PPP2R2B: variants seen among roughly 807,000 people sequenced by gnomAD.
PPP2R2B encodes the protein serine/threonine-protein phosphatase 2A 55 kDa regulatory subunit B beta isoform.
A neutral mutation model predicts 46.0 loss-of-function variants in PPP2R2B; 5 were observed. That is an observed-to-expected ratio of 0.11 (90% CI 0.06 to 0.23). The LOEUF (loss-of-function observed/expected upper bound fraction) is 0.23, where lower values mean the gene tolerates loss of function less well. Among genes scored for constraint, PPP2R2B ranks in the 10% least tolerant of loss-of-function variants. The pLI is 1.00. For synonymous variants in PPP2R2B, 215 were observed against 206.7 expected (o/e 1.04, Z -0.34); for missense variants, 367 against 575.0 (o/e 0.64, Z 3.70).
intron 2 of PPP2R2B, among the ~76,000 whole-genome samples, chr5:146,726,343 A>G (rs1028457616): frequency 6.6e-6 from 1 of 152,200 alleles, no homozygotes; most frequent in African/African-American, 2.4e-5. Flanking sequence ...TGCTGAGGAC[A>G]AAGAGTGGAA....
At chr5:147,034,256 A>G (rs1046954375) in intron 1 of PPP2R2B, among the ~76,000 whole-genome samples, 3 of 152,104 alleles carry the variant, frequency 2.0e-5, no homozygotes, top group African/African-American at 7.2e-5. Context: ...AGCTTCCTGG[A>G]CCACCATATT....
chr5:146,962,079 C>T (rs571053105), intron 1 of PPP2R2B, among the ~76,000 whole-genome samples: 186 of 147,284 alleles, frequency 1.3e-3, no homozygotes, highest in African/African-American at 4.3e-3. Context: ...ATAAACTCTT[C>T]GCAACATCCC....
intron 1 of PPP2R2B, among the ~76,000 whole-genome samples, chr5:146,947,362 C>T (rs1764515952): frequency 6.6e-6 from 1 of 152,134 alleles, no homozygotes; most frequent in Non-Finnish European, 1.5e-5. Context: ...GTGCAGTCTG[C>T]CCTCTAGTGA....
chr5:146,674,916 T>C (rs1251365059), intron 5 of PPP2R2B, among the ~76,000 whole-genome samples: 1 of 152,188 alleles, frequency 6.6e-6, no homozygotes, highest in Non-Finnish European at 1.5e-5. Flanking sequence ...AACTAGGATC[T>C]TTCAGGCTTT....
At chr5:146,764,128 G>A (rs1299520908) in intron 2 of PPP2R2B, among the ~76,000 whole-genome samples, 2 of 152,124 alleles carry the variant, frequency 1.3e-5, no homozygotes, top group Non-Finnish European at 2.9e-5. Context: ...AGAGAAGATG[G>A]AAGCTGGTTT....
chr5:146,933,956 T>C (rs1764053782), intron 1 of PPP2R2B, among the ~76,000 whole-genome samples: 1 of 151,796 alleles, frequency 6.6e-6, no homozygotes, highest in African/African-American at 2.4e-5. Context: ...CTTGTGATAG[T>C]TTACTGAGAA....
chr5:146,707,637 C>A (rs952324293), intron 2 of PPP2R2B: 2 of 589,404 alleles, frequency 3.4e-6, no homozygotes, highest in South Asian at 2.2e-5. Flanking sequence ...CTGAACCAGG[C>A]GGAGATTCCA....
At chr5:146,985,675 C>A (rs933255288) in intron 1 of PPP2R2B, among the ~76,000 whole-genome samples, 3 of 152,116 alleles carry the variant, frequency 2.0e-5, no homozygotes, top group Admixed American at 1.3e-4. Flanking sequence ...CAAACATGTC[C>A]ACTCTCACCA....
chr5:146,835,769 A>G (rs1170648265), intron 2 of PPP2R2B, among the ~76,000 whole-genome samples: 1 of 152,178 alleles, frequency 6.6e-6, no homozygotes, highest in Non-Finnish European at 1.5e-5. Flanking sequence ...TAAAGGAGTC[A>G]TCATTTGTAA....
chr5:146,926,256 T>A (rs75175331), intron 1 of PPP2R2B, among the ~76,000 whole-genome samples: 3,320 of 152,260 alleles, frequency 0.022, 44 homozygotes, highest in Non-Finnish European at 0.032. Context: ...TTTTTTTCCC[T>A]TTATGGTGGT....
At chr5:146,925,382 CT>C (rs1469065111) in intron 1 of PPP2R2B, among the ~76,000 whole-genome samples, 1 of 152,042 alleles carries the variant, frequency 6.6e-6, no homozygotes, top group Admixed American at 6.6e-5. Flanking sequence ...TTATTTTGCC[CT>C]CATTTTTGAA....
intron 2 of PPP2R2B, among the ~76,000 whole-genome samples, chr5:146,754,934 C>T (rs995256603): frequency 2.0e-5 from 3 of 152,160 alleles, no homozygotes; most frequent in Admixed American, 6.5e-5. Flanking sequence ...TGAACTAGAA[C>T]CCCCCAGAGC....
chr5:146,834,310 A>G (rs914962538), intron 2 of PPP2R2B, among the ~76,000 whole-genome samples: 31 of 152,200 alleles, frequency 2.0e-4, no homozygotes, highest in Admixed American at 6.5e-4. Context: ...ATTCTGATAG[A>G]ATGGGTGACT....
At chr5:146,632,768 G>C (rs1165392601) in intron 7 of PPP2R2B, among the ~76,000 whole-genome samples, 3 of 152,160 alleles carry the variant, frequency 2.0e-5, no homozygotes, top group Non-Finnish European at 2.9e-5. Flanking sequence ...GGCCAGACAG[G>C]TAGAGTGTGT....
At position 146,587,647 on chromosome 5, in the gene PPP2R2B, C is replaced by T. The variant is rs578052630; in HGVS notation, c.*2300G>A. 2.6e-5 allele frequency: 4 copies of T among 152,276 alleles called. No homozygotes were observed. In the East Asian group the frequency reaches 7.7e-4, roughly 29 times the overall value. 9.4% of individuals were successfully genotyped at this position (152,276 alleles called of 1,614,324 possible). The stretch of plus-strand genomic sequence containing the variant: ...TAAATCTTCTGTCATATCAGTTACT[C>T]AGGGTCCCAAAGTTTGATACACATG... On this transcript the variant is annotated 3_prime_UTR_variant, in exon 10 of 10. Coordinates refer to ENST00000394411, the MANE Select transcript of PPP2R2B (RefSeq NM_181675.4).
At chr5:146,596,347 C>CA (rs1181707045) in intron 8 of PPP2R2B, among the ~76,000 whole-genome samples, 1 of 152,180 alleles carries the variant, frequency 6.6e-6, no homozygotes, top group Non-Finnish European at 1.5e-5. Context: ...TCTCCTTGCC[C>CA]AGGGCAGGCA....
chr5:146,845,079 C>A (rs1436583772), intron 2 of PPP2R2B, among the ~76,000 whole-genome samples: 2 of 152,122 alleles, frequency 1.3e-5, no homozygotes, highest in Non-Finnish European at 2.9e-5. Context: ...CTTTTTGATT[C>A]TTTGCATATG....
At chr5:147,003,895 G>A (rs942666010) in intron 1 of PPP2R2B, among the ~76,000 whole-genome samples, 6 of 152,100 alleles carry the variant, frequency 3.9e-5, no homozygotes, top group East Asian at 1.9e-4. Context: ...CAACTCACTC[G>A]AGGGTCAATT....
intron 5 of PPP2R2B, among the ~76,000 whole-genome samples, chr5:146,652,449 G>C (rs940085724): frequency 5.9e-5 from 9 of 152,164 alleles, no homozygotes; most frequent in Non-Finnish European, 1.3e-4. Context: ...TTCTTGTCAG[G>C]GGAGATAGAC....
Sources: allele counts gnomAD v4.1 joint callset (sites outside exome capture counted in the v4.1 genomes callset), GRCh38; gene constraint gnomAD v4.1.1; transcripts MANE v1.5; gene names NCBI Gene and HGNC (gene_info 2026-07-23, HGNC 2026-07-21).